BABAM2: variants seen among roughly 807,000 people sequenced by gnomAD.
The protein encoded by BABAM2 is BRISC and BRCA1 A complex member 2, also known as BRISC and BRCA1-A complex member 2.
In BABAM2, 31 loss-of-function variants were observed where a neutral mutation model predicts 54.7. The observed-to-expected ratio is 0.57, with a 90% CI of 0.43 to 0.77. The LOEUF is 0.77. Among genes scored for constraint, BABAM2 ranks in the 30% least tolerant of loss-of-function variants. The pLI is 0.00. For missense variants in BABAM2, 364 were observed against 455.8 expected (o/e 0.80, Z 1.83); for synonymous variants, 167 against 162.9 (o/e 1.03, Z -0.19).
intron 6 of BABAM2, among the ~76,000 whole-genome samples, chr2:28,062,413 A>G (rs1678956093): frequency 6.6e-6 from 1 of 151,610 alleles, no homozygotes; most frequent in Non-Finnish European, 1.5e-5. Flanking sequence ...AATACAAAAA[A>G]TTAGCCTGGT....
chr2:28,162,604 A>G (rs925505725), intron 7 of BABAM2, among the ~76,000 whole-genome samples: 1 of 152,206 alleles, frequency 6.6e-6, no homozygotes, highest in East Asian at 1.9e-4. Context: ...GCTGTTATGC[A>G]CATAATCTCA....
intron 4 of BABAM2, among the ~76,000 whole-genome samples, chr2:28,014,019 T>G (rs904753657): frequency 2.0e-5 from 3 of 152,104 alleles, no homozygotes; most frequent in African/African-American, 7.2e-5. Flanking sequence ...GCTAAAGTCT[T>G]AAAAACAAAA....
At chr2:27,952,697 G>C (rs560061262) in intron 3 of BABAM2, among the ~76,000 whole-genome samples, 3 of 152,130 alleles carry the variant, frequency 2.0e-5, no homozygotes, top group Non-Finnish European at 4.4e-5. Flanking sequence ...AATGTTACAG[G>C]CACTCCAGAC....
chr2:28,078,842 A>G (rs984239901), intron 6 of BABAM2, among the ~76,000 whole-genome samples: 15 of 152,210 alleles, frequency 9.9e-5, no homozygotes, highest in African/African-American at 3.6e-4. Flanking sequence ...AGGGTTTAGC[A>G]TGAAGGCATT....
intron 2 of BABAM2, among the ~76,000 whole-genome samples, chr2:27,902,280 C>T (rs994656856): frequency 6.6e-6 from 1 of 152,252 alleles, no homozygotes; most frequent in African/African-American, 2.4e-5. Context: ...AAAATGGAAA[C>T]TCTCAAAATG....
intron 7 of BABAM2, among the ~76,000 whole-genome samples, chr2:28,194,575 CTTTTTTTTT>C (rs10684650): frequency 3.0e-5 from 3 of 99,198 alleles, no homozygotes; most frequent in Non-Finnish European, 5.6e-5. Context: ...ACAACGTAGA[CTTTTTTTTT>C]TTTTTTTTTT....
chr2:28,098,158 T>C (rs1467669794), intron 6 of BABAM2, among the ~76,000 whole-genome samples: 3 of 152,236 alleles, frequency 2.0e-5, no homozygotes, highest in Non-Finnish European at 4.4e-5. Flanking sequence ...TCATCTTTAC[T>C]ATATTTAGTT....
At chr2:27,946,294 A>G (rs879077084) in intron 3 of BABAM2, among the ~76,000 whole-genome samples, 6 of 152,186 alleles carry the variant, frequency 3.9e-5, no homozygotes, top group Admixed American at 3.3e-4. Flanking sequence ...TGTTAATATG[A>G]TAAATAAACT....
chr2:27,896,507 T>C (rs1282111229), intron 2 of BABAM2: 3 of 152,356 alleles, frequency 2.0e-5, no homozygotes, highest in Non-Finnish European at 2.9e-5. Context: ...GATGTACCAA[T>C]AGAAGCCTAG....
chr2:27,962,612 A>G (rs984437767), intron 3 of BABAM2, among the ~76,000 whole-genome samples: 2 of 152,266 alleles, frequency 1.3e-5, no homozygotes, highest in African/African-American at 4.8e-5. Context: ...GTTTTATTTT[A>G]TGAAACAGAA....
chr2:27,930,456 T>C (rs1193032132), intron 3 of BABAM2: 1 of 152,578 alleles, frequency 6.6e-6, no homozygotes, highest in Non-Finnish European at 1.5e-5. Context: ...ATTGGTAATA[T>C]AGTGAGGGAA....
chr2:28,139,459 C>T (rs905239519), intron 7 of BABAM2, among the ~76,000 whole-genome samples: 2 of 150,424 alleles, frequency 1.3e-5, no homozygotes, highest in Non-Finnish European at 1.5e-5. Flanking sequence ...GTCCCAGCTG[C>T]TTGGGAGGCT....
chr2:28,131,506 T>G (rs181112191), intron 7 of BABAM2, among the ~76,000 whole-genome samples: 1 of 152,216 alleles, frequency 6.6e-6, no homozygotes, highest in Non-Finnish European at 1.5e-5. Context: ...ACCTGGTTCC[T>G]GCCACTCACC....
At chr2:28,295,754 C>G (rs899546085) in intron 10 of BABAM2, among the ~76,000 whole-genome samples, 1 of 152,040 alleles carries the variant, frequency 6.6e-6, no homozygotes, top group Non-Finnish European at 1.5e-5. Context: ...GCCTCAGCCT[C>G]CCAAAGTACT....
At chr2:28,114,311 A>T (rs1668400707) in intron 6 of BABAM2, among the ~76,000 whole-genome samples, 1 of 151,770 alleles carries the variant, frequency 6.6e-6, no homozygotes, top group South Asian at 2.1e-4. Flanking sequence ...CTGATAAGCG[A>T]CTCTAGCAAA....
chr2:28,208,358 T>G (rs996066195), intron 7 of BABAM2, among the ~76,000 whole-genome samples: 1 of 152,218 alleles, frequency 6.6e-6, no homozygotes, highest in African/African-American at 2.4e-5. Flanking sequence ...ATTTGTAAGC[T>G]CTGTAGGACA....
intron 3 of BABAM2, among the ~76,000 whole-genome samples, chr2:27,968,144 C>G (rs995548046): frequency 6.6e-6 from 1 of 152,202 alleles, no homozygotes; most frequent in Admixed American, 6.5e-5. Flanking sequence ...TTACAGCAGC[C>G]CCTCCCATTA....
intron 3 of BABAM2, among the ~76,000 whole-genome samples, chr2:27,972,555 G>A (rs1356044975): frequency 6.6e-6 from 1 of 152,086 alleles, no homozygotes; most frequent in Non-Finnish European, 1.5e-5. Context: ...CTAGCCACAT[G>A]TGGTGATGGA....
chr2:28,296,313 A>G (rs867458656), intron 10 of BABAM2, among the ~76,000 whole-genome samples: 3 of 152,206 alleles, frequency 2.0e-5, no homozygotes, highest in Admixed American at 2.0e-4. Context: ...GTTCCTCTAT[A>G]CTATGAACTC....
Sources: allele counts gnomAD v4.1 joint callset (sites outside exome capture counted in the v4.1 genomes callset), GRCh38; gene constraint gnomAD v4.1.1; transcripts MANE v1.5; gene names NCBI Gene and HGNC (gene_info 2026-07-23, HGNC 2026-07-21).